The following CUX1 variants were observed in gnomAD, a reference collection of about 807,000 sequenced individuals.
The protein encoded by CUX1 is protein CASP.
Under a neutral mutation model 158.8 loss-of-function variants are expected in CUX1, and 31 were observed. The ratio of observed to expected loss-of-function variants is 0.20; its 90% CI spans 0.15 to 0.26. The LOEUF (loss-of-function observed/expected upper bound fraction) is 0.26, where lower values mean the gene tolerates loss of function less well. Among genes scored for constraint, CUX1 ranks in the 10% least tolerant of loss-of-function variants. The pLI is 1.00. For synonymous variants in CUX1, 879 were observed against 862.1 expected (o/e 1.02, Z -0.34); for missense variants, 1,589 against 2,014.6 (o/e 0.79, Z 4.04).
chr7:101,984,129 T>TACACAC (rs56087090), intron 2 of CUX1, among the ~76,000 whole-genome samples: 1 of 28,954 alleles, frequency 3.5e-5, no homozygotes, highest in African/African-American at 1.3e-4. Context: ...TATATATATA[T>TACACAC]ACACACACAC....
At chr7:102,064,295 C>G (rs1178993728) in intron 3 of CUX1, among the ~76,000 whole-genome samples, 1 of 152,136 alleles carries the variant, frequency 6.6e-6, no homozygotes, top group Non-Finnish European at 1.5e-5. Context: ...AGCGACTCTC[C>G]CACCTTGGCC....
At chr7:102,277,681 G>A (rs1483029364) in intron 17 of CUX1, among the ~76,000 whole-genome samples, 1 of 152,136 alleles carries the variant, frequency 6.6e-6, no homozygotes, top group Admixed American at 6.5e-5. Flanking sequence ...TAAGGTTGAT[G>A]CAAATGTAAT....
At position 101,916,811 on chromosome 7, in the gene CUX1, G is replaced by T. The variant is rs540747029; in HGVS notation, c.141+586G>T. 2.6e-5 allele frequency among the ~76,000 whole-genome samples: 4 copies of T among 152,106 alleles called. No homozygotes were observed. The highest frequency in any genetic ancestry group is 5.9e-5 in the Non-Finnish European group (4 of 68,028). ...TACTCCTGTTTTTTCTCTCGTGAGT[G>T]TGCAATCGGGGGACAGTGTTGAGTT... On this transcript the variant is annotated intron_variant, in intron 2 of 23. Coordinates refer to ENST00000292535, the MANE Select transcript of CUX1 (RefSeq NM_181552.4). This position sits in a 1 kb window ranked among gnomAD's most constrained non-coding sequence, Gnocchi z 4.4.
chr7:102,282,654 G>A, intron 21 of CUX1: 1 of 1,576,772 alleles, frequency 6.3e-7, no homozygotes, highest in Non-Finnish European at 8.7e-7. Context: ...GGCCATGGGT[G>A]GGCTGCAGGG....
chr7:102,237,745 T>A (rs1222296345), intron 22 of CUX1, among the ~76,000 whole-genome samples: 4 of 152,182 alleles, frequency 2.6e-5, no homozygotes, highest in African/African-American at 9.7e-5. Flanking sequence ...AAAAGGCAGC[T>A]GGGCCCGGGG....
At chr7:101,842,250 G>C (rs1337797332) in intron 1 of CUX1, among the ~76,000 whole-genome samples, 2 of 152,164 alleles carry the variant, frequency 1.3e-5, no homozygotes, top group African/African-American at 4.8e-5. Context: ...TGCTCAAAAA[G>C]AATGTGTTTT....
At chr7:101,984,739 A>G (rs1031703970) in intron 2 of CUX1, among the ~76,000 whole-genome samples, 4 of 152,162 alleles carry the variant, frequency 2.6e-5, no homozygotes, top group African/African-American at 9.7e-5. Flanking sequence ...ACTCAGTCGT[A>G]AAAAACAGCA....
intron 3 of CUX1, among the ~76,000 whole-genome samples, chr7:102,044,563 C>T (rs2129859388): frequency 6.6e-6 from 1 of 152,258 alleles, no homozygotes; most frequent in Non-Finnish European, 1.5e-5. Flanking sequence ...TTCCAGCCTG[C>T]TCTTAAGATT....
At chr7:101,961,875 C>CA (rs11409394) in intron 2 of CUX1, 82,060 of 111,500 alleles carry the variant, frequency 0.74, 29,376 homozygotes, top group Middle Eastern at 0.77. Context: ...GACTCCATCT[C>CA]AAAAAAAAAA....
chr7:102,032,706 G>C (rs955547596), intron 3 of CUX1, among the ~76,000 whole-genome samples: 5 of 151,848 alleles, frequency 3.3e-5, no homozygotes, highest in African/African-American at 1.2e-4. Flanking sequence ...AAAAGTTTCA[G>C]ATAATGAAAT....
chr7:102,092,002 TGCCTTG>T (rs1470623720), intron 4 of CUX1, among the ~76,000 whole-genome samples: 3 of 152,202 alleles, frequency 2.0e-5, no homozygotes, highest in Admixed American at 1.3e-4. Flanking sequence ...GTGATCCACC[TGCCTTG>T]GCCTCCCAAA....
At chr7:102,186,577 GTATA>G (rs143666730) in intron 11 of CUX1, among the ~76,000 whole-genome samples, 37 of 120,258 alleles carry the variant, frequency 3.1e-4, no homozygotes, top group Non-Finnish European at 5.7e-4. Flanking sequence ...AACCTAGATA[GTATA>G]TATATATATA....
At chr7:102,071,676 G>A (rs758367394) in intron 4 of CUX1, among the ~76,000 whole-genome samples, 7 of 152,150 alleles carry the variant, frequency 4.6e-5, no homozygotes, top group East Asian at 1.9e-4. Flanking sequence ...CTGTACTTGT[G>A]TTCTGATTCA....
Position 102,047,791 on chromosome 7 carries a change from A to G in CUX1, c.189+19646A>G, listed in dbSNP as rs750496458. 2.0e-5 allele frequency among the ~76,000 whole-genome samples: 3 copies of G among 152,102 alleles called. No homozygotes were observed. The East Asian group carries it at 5.8e-4, about 29-fold the overall frequency. On this transcript the variant is annotated intron_variant, in intron 3 of 23. Transcript: ENST00000292535. ...CTCCCTTCCCTTGGAAAAACTCAAT[A>G]TGGATGTTAATTAGGTTTTACTAAA... is the stretch of plus-strand genomic sequence containing the variant.
chr7:102,069,288 A>C (rs1299860803), intron 3 of CUX1, among the ~76,000 whole-genome samples: 1 of 151,808 alleles, frequency 6.6e-6, no homozygotes, highest in East Asian at 1.9e-4. Context: ...ACCCCACTTG[A>C]TTGTCCAGCT....
chr7:102,059,676 T>C (rs1480978293), intron 3 of CUX1, among the ~76,000 whole-genome samples: 3 of 151,212 alleles, frequency 2.0e-5, no homozygotes, highest in African/African-American at 7.3e-5. Context: ...AGATTTGGCC[T>C]GCGTACGTGT....
intron 1 of CUX1, among the ~76,000 whole-genome samples, chr7:101,831,867 G>A (rs1020378460): frequency 6.6e-6 from 1 of 151,634 alleles, no homozygotes; most frequent in South Asian, 2.1e-4. Context: ...TCAGGTTCCC[G>A]AGTAGCTGGA....
downstream of CUX1, among the ~76,000 whole-genome samples, chr7:102,262,265 G>A (rs1481344651): frequency 4.6e-5 from 7 of 152,198 alleles, no homozygotes; most frequent in Non-Finnish European, 8.8e-5. Context: ...TTAGCCAGGC[G>A]TGGTGGCAGG....
upstream of CUX1, chr7:101,817,016 A>C: frequency 1.0e-6 from 1 of 983,428 alleles, no homozygotes; most frequent in Non-Finnish European, 1.2e-6. This position sits in a 1 kb window ranked among gnomAD's most constrained non-coding sequence, Gnocchi z 4.1. Context: ...GGTGACGCGG[A>C]CCTGTTCCTC....
Sources: allele counts gnomAD v4.1 joint callset (sites outside exome capture counted in the v4.1 genomes callset), GRCh38; gene constraint gnomAD v4.1.1; non-coding constraint Gnocchi (gnomAD v3.1); transcripts MANE v1.5; gene names NCBI Gene and HGNC (gene_info 2026-07-23, HGNC 2026-07-21).